The following LARP1B variants were observed in gnomAD, a reference collection of about 807,000 sequenced individuals.
The protein encoded by LARP1B is la-related protein 1B.
A neutral mutation model predicts 114.2 loss-of-function variants in LARP1B; 76 were observed. That is an observed-to-expected ratio of 0.67 (90% CI 0.55 to 0.81). The LOEUF (loss-of-function observed/expected upper bound fraction) is 0.81, where lower values mean the gene tolerates loss of function less well. LARP1B is among the 30% of genes least tolerant of loss of function. The pLI, the probability that LARP1B is intolerant of heterozygous loss-of-function variation, is 0.00. For missense variants in LARP1B, 1,014 were observed against 1,075.8 expected (o/e 0.94, Z 0.80); for synonymous variants, 345 against 348.0 (o/e 0.99, Z 0.10).
At chr4:128,126,113 C>A (rs1193730693) in intron 11 of LARP1B, among the ~76,000 whole-genome samples, 3 of 136,096 alleles carry the variant, frequency 2.2e-5, no homozygotes, top group South Asian at 2.2e-4. Context: ...TTAAAATAAT[C>A]TTTTTTTTTT....
chr4:128,119,257 C>T (rs1219978478), intron 10 of LARP1B, among the ~76,000 whole-genome samples: 1 of 152,152 alleles, frequency 6.6e-6, no homozygotes, highest in South Asian at 2.1e-4. Flanking sequence ...GATGCTGGCT[C>T]TTTTTCTCCA....
At chr4:128,102,105 GA>G (rs1780532985) in intron 8 of LARP1B, among the ~76,000 whole-genome samples, 1 of 152,168 alleles carries the variant, frequency 6.6e-6, no homozygotes, top group Admixed American at 6.5e-5. Flanking sequence ...TTGAAAAGCA[GA>G]AACACATAAG....
chr4:128,062,399 G>A (rs78743723), intron 1 of LARP1B, among the ~76,000 whole-genome samples: 3,872 of 152,270 alleles, frequency 0.025, 153 homozygotes, highest in African/African-American at 0.089. Context: ...ACAGACATGG[G>A]CATCTGGGAA....
Position 128,210,186 on chromosome 4 carries a change from T to TTG in LARP1B, c.*136_*137dup. 6.7e-7 allele frequency: 1 copy of TTG among 1,482,916 alleles called. No homozygotes were observed. Among genetic ancestry groups the TTG allele is most frequent in the Non-Finnish European group, 8.9e-7 (1 of 1,119,352 alleles). 91.9% of individuals were successfully genotyped at this position (1,482,916 alleles called of 1,614,324 possible). A position where few individuals can be genotyped will look rare whatever the true frequency, so the allele number is the denominator to read the frequency against. On this transcript the variant is annotated 3_prime_UTR_variant, in exon 20 of 20. Coordinates refer to ENST00000326639, the MANE Select transcript of LARP1B (RefSeq NM_018078.4). ...TTGGGGAAAATCTTCTGGTGTTTAA[T>TTG]TGTGATAATAAGAAAGAAGAAAAAG...
chr4:128,149,890 C>T (rs535894404), intron 11 of LARP1B, among the ~76,000 whole-genome samples: 6 of 152,296 alleles, frequency 3.9e-5, no homozygotes, highest in South Asian at 4.1e-4. Flanking sequence ...CAGTGGCTCA[C>T]GCCTGTAATC....
chr4:128,116,107 A>C (rs936469339), intron 10 of LARP1B, among the ~76,000 whole-genome samples: 1 of 152,230 alleles, frequency 6.6e-6, no homozygotes, highest in African/African-American at 2.4e-5. Context: ...TGGAGGGTAC[A>C]TAAGAGAGTG....
chr4:128,164,326 T>G (rs1313364204), intron 12 of LARP1B, among the ~76,000 whole-genome samples: 2 of 152,144 alleles, frequency 1.3e-5, no homozygotes, highest in African/African-American at 2.4e-5. Flanking sequence ...GCTGTTCAGT[T>G]AAATTGCTGG....
chr4:128,128,832 T>C (rs1424218498), intron 11 of LARP1B, among the ~76,000 whole-genome samples: 2 of 151,964 alleles, frequency 1.3e-5, no homozygotes, highest in East Asian at 3.9e-4. Flanking sequence ...TGACAAAATA[T>C]GTACAGGATC....
At chr4:128,205,719 C>A (rs1414472340) in intron 17 of LARP1B, among the ~76,000 whole-genome samples, 3 of 152,166 alleles carry the variant, frequency 2.0e-5, no homozygotes, top group Non-Finnish European at 1.5e-5. Flanking sequence ...GTAAAGCTTA[C>A]ATTCAAGAGT....
intron 12 of LARP1B, among the ~76,000 whole-genome samples, chr4:128,167,051 C>T (rs1195601656): frequency 2.0e-5 from 3 of 150,644 alleles, no homozygotes; most frequent in African/African-American, 7.3e-5. Flanking sequence ...TATATACACA[C>T]ACACACACAT....
At chr4:128,107,386 A>AT in intron 9 of LARP1B, 73 bp downstream of exon 9, 1 of 1,551,716 alleles carries the variant, frequency 6.4e-7, no homozygotes, top group Non-Finnish European at 8.7e-7. Context: ...TTATTTATTT[A>AT]TTTTCAGTTT....
intron 1 of LARP1B, 150 bp downstream of exon 1, chr4:128,061,551 C>T: frequency 2.5e-6 from 1 of 404,418 alleles, no homozygotes; most frequent in Non-Finnish European, 3.3e-6. Flanking sequence ...CCTCGGCGGG[C>T]GGCGGCAGCG....
chr4:128,202,437 C>A (rs908893924), intron 17 of LARP1B, among the ~76,000 whole-genome samples: 1 of 152,296 alleles, frequency 6.6e-6, no homozygotes, highest in East Asian at 1.9e-4. Flanking sequence ...AATTTAAGAA[C>A]TGTTTTGCAA....
chr4:128,061,222 C>G (rs922171159), upstream of LARP1B: 1 of 152,110 alleles, frequency 6.6e-6, no homozygotes, highest in African/African-American at 2.4e-5. Context: ...GAGAGAAGGA[C>G]CCGGTGAGTA....
intron 1 of LARP1B, 95 bp downstream of exon 1, chr4:128,061,496 G>C (rs1010492673): frequency 3.1e-5 from 6 of 193,906 alleles, no homozygotes; most frequent in Admixed American, 6.6e-5. Context: ...GGCGGTTGGC[G>C]CTCCGTTCGG....
chr4:128,207,352 GT>G lies in LARP1B; in HGVS notation c.2520del (p.Phe840LeufsTer4). On this transcript the variant is annotated frameshift_variant, in exon 19 of 20. Coordinates refer to ENST00000326639, the MANE Select transcript of LARP1B (RefSeq NM_018078.4). LOFTEE classifies it low-confidence loss of function (END_TRUNC). ...CCAAAACTTCAGGAATACCTCTGTA[GT>G]TTTAAGAGGTTAGAAGACTTCCGTG... The part of the protein sequence containing the change: ...IDPKLQEYLC[S>X]FKRLEDFRVD... 6.5e-7 allele frequency: 1 copy of G among 1,547,140 alleles called. No individual in the cohort carries two copies.
intron 10 of LARP1B, among the ~76,000 whole-genome samples, chr4:128,116,056 G>A (rs967267453): frequency 6.6e-6 from 1 of 152,174 alleles, no homozygotes; most frequent in Non-Finnish European, 1.5e-5. Context: ...ATATGTTTTG[G>A]TGATTTAATG....
Position 128,211,336 on chromosome 4 carries a change from G to T in LARP1B, c.*1283G>T, listed in dbSNP as rs1249791291. ...GTGGTTTCCATATGCTAAATTAATT[G>T]TATTTTCTTTTTGAGCAGATTGGAT... On this transcript the variant is annotated 3_prime_UTR_variant, in exon 20 of 20. Transcript: ENST00000326639. 1.0e-6 allele frequency: 1 copy of T among 969,630 alleles called. No individual in the cohort carries two copies. The highest frequency in any genetic ancestry group is 1.2e-6 in the Non-Finnish European group (1 of 815,716). 60.1% of individuals were successfully genotyped at this position (969,630 alleles called of 1,614,324 possible).
chr4:128,083,290 A>G (rs1771392240), intron 5 of LARP1B, among the ~76,000 whole-genome samples: 1 of 151,592 alleles, frequency 6.6e-6, no homozygotes, highest in Admixed American at 6.6e-5. Context: ...ATTCCACAAA[A>G]CCGCCATTGT....
Sources: gnomAD v4.1 joint callset for allele counts (sites outside exome capture counted in the v4.1 genomes callset) on GRCh38, gnomAD v4.1.1 for gene constraint, MANE v1.5 for transcripts, NCBI Gene and HGNC (gene_info 2026-07-23, HGNC 2026-07-21) for gene names.